CSMD1: variants seen among roughly 807,000 people sequenced by gnomAD.
CSMD1 encodes the protein CUB and Sushi multiple domains 1.
Under a neutral mutation model 417.5 loss-of-function variants are expected in CSMD1, and 213 were observed. That is an observed-to-expected ratio of 0.51 (90% CI 0.46 to 0.57). The LOEUF is 0.57. Among genes scored for constraint, CSMD1 ranks in the 20% least tolerant of loss-of-function variants. CSMD1 has a pLI of 0.00. For missense variants in CSMD1, 6,923 were observed against 4,529.7 expected (o/e 1.53, Z -15.17); for synonymous variants, 2,862 against 1,736.8 (o/e 1.65, Z -16.11).
At chr8:3,294,913 A>G (rs1803851343) in intron 25 of CSMD1, among the ~76,000 whole-genome samples, 1 of 151,828 alleles carries the variant, frequency 6.6e-6, no homozygotes, top group African/African-American at 2.4e-5. Context: ...CTTCTGCGTC[A>G]TTCATGCTGG....
intron 10 of CSMD1, among the ~76,000 whole-genome samples, chr8:3,555,049 G>A (rs941869532): frequency 1.3e-5 from 2 of 152,110 alleles, no homozygotes; most frequent in East Asian, 3.9e-4. Flanking sequence ...TCCTCCGCCA[G>A]GGAAGGCTAA....
intron 11 of CSMD1, among the ~76,000 whole-genome samples, chr8:3,475,749 T>C (rs1050761030): frequency 6.6e-6 from 1 of 152,226 alleles, no homozygotes; most frequent in African/African-American, 2.4e-5. Context: ...CAATTTCAAG[T>C]ATGTGAAGCG....
intron 7 of CSMD1, among the ~76,000 whole-genome samples, chr8:3,705,948 C>G (rs989799853): frequency 4.6e-5 from 7 of 152,206 alleles, no homozygotes; most frequent in Non-Finnish European, 8.8e-5. Flanking sequence ...CAGCCAGTGT[C>G]ACCTTGGGTA....
chr8:3,750,294 T>G (rs553473195), intron 6 of CSMD1, among the ~76,000 whole-genome samples: 38 of 150,888 alleles, frequency 2.5e-4, no homozygotes, highest in African/African-American at 8.5e-4. Context: ...TATGTTCTTT[T>G]TAAAATGTTC....
intron 1 of CSMD1, among the ~76,000 whole-genome samples, chr8:4,772,800 C>G (rs1030047908): frequency 4.6e-5 from 7 of 152,190 alleles, no homozygotes; most frequent in Non-Finnish European, 1.0e-4. Context: ...AGGTACTCAT[C>G]TAATTTCGGA....
At chr8:4,158,654 G>A (rs1339327789) in intron 3 of CSMD1, among the ~76,000 whole-genome samples, 1 of 152,098 alleles carries the variant, frequency 6.6e-6, no homozygotes, top group African/African-American at 2.4e-5. Context: ...GGTAGTGGAA[G>A]ATCAACGCCG....
chr8:4,410,811 AATATGGTTTGT>A (rs1387838800), intron 3 of CSMD1, among the ~76,000 whole-genome samples: 2 of 152,212 alleles, frequency 1.3e-5, no homozygotes, highest in Non-Finnish European at 2.9e-5. Context: ...CAATGGTTTG[AATATGGTTTGT>A]CTCCACCAAA....
At chr8:3,004,308 G>A (rs1477894251) in intron 52 of CSMD1, among the ~76,000 whole-genome samples, 2 of 152,196 alleles carry the variant, frequency 1.3e-5, no homozygotes, top group Non-Finnish European at 2.9e-5. Context: ...GTCTCCAACA[G>A]GCAATTGTGT....
At chr8:3,154,133 T>G (rs545925644) in intron 39 of CSMD1, among the ~76,000 whole-genome samples, 2 of 152,150 alleles carry the variant, frequency 1.3e-5, no homozygotes, top group African/African-American at 4.8e-5. Flanking sequence ...CGACTACGCC[T>G]GGCTAATTTT....
intron 12 of CSMD1, among the ~76,000 whole-genome samples, chr8:3,421,533 T>G (rs1221092262): frequency 6.6e-6 from 1 of 152,224 alleles, no homozygotes; most frequent in Non-Finnish European, 1.5e-5. Flanking sequence ...TTTTGTAGAC[T>G]TTAGTAACAT....
At chr8:4,025,916 G>A (rs1275592239) in intron 4 of CSMD1, among the ~76,000 whole-genome samples, 4 of 150,948 alleles carry the variant, frequency 2.6e-5, no homozygotes, top group African/African-American at 4.9e-5. Context: ...ATTATTCAGG[G>A]AAAATATTGC....
At chr8:4,486,214 T>C (rs1239672187) in intron 2 of CSMD1, among the ~76,000 whole-genome samples, 1 of 15,206 alleles carries the variant, frequency 6.6e-5, no homozygotes, top group African/African-American at 2.5e-4. Flanking sequence ...CATATATATA[T>C]ATATATATAT....
chr8:4,878,012 G>A (rs1360303634), intron 1 of CSMD1, among the ~76,000 whole-genome samples: 3 of 152,034 alleles, frequency 2.0e-5, no homozygotes. Context: ...AATAGGACCT[G>A]TCAGCATCCC....
chr8:4,825,555 T>A (rs1799776112), intron 1 of CSMD1, among the ~76,000 whole-genome samples: 1 of 151,326 alleles, frequency 6.6e-6, no homozygotes, highest in Admixed American at 6.6e-5. Context: ...TATATGTGTG[T>A]GGCTGTCTTA....
At chr8:4,648,486 C>G (rs1313119695) in intron 1 of CSMD1, among the ~76,000 whole-genome samples, 4 of 152,150 alleles carry the variant, frequency 2.6e-5, no homozygotes, top group Non-Finnish European at 5.9e-5. Flanking sequence ...TGCATGCATG[C>G]ACACAAACAC....
intron 7 of CSMD1, among the ~76,000 whole-genome samples, chr8:3,658,656 G>A (rs1247569901): frequency 1.3e-5 from 2 of 151,844 alleles, no homozygotes; most frequent in South Asian, 2.1e-4. Context: ...GGTGGTGCGT[G>A]CCTGTAATCC....
chr8:3,446,393 G>T (rs1255585078), intron 12 of CSMD1, among the ~76,000 whole-genome samples: 1 of 152,166 alleles, frequency 6.6e-6, no homozygotes, highest in African/African-American at 2.4e-5. Context: ...TTCAACTGAG[G>T]ATCTGTCCTC....
At chr8:3,705,230 G>A (rs765013368) in intron 7 of CSMD1, among the ~76,000 whole-genome samples, 16 of 152,198 alleles carry the variant, frequency 1.1e-4, no homozygotes, top group Non-Finnish European at 2.4e-4. Flanking sequence ...GCACAAGTTG[G>A]TGCTGAAATC....
chr8:4,731,565 T>C (rs1371188147), intron 1 of CSMD1, among the ~76,000 whole-genome samples: 4 of 152,228 alleles, frequency 2.6e-5, no homozygotes, highest in Admixed American at 2.6e-4. Flanking sequence ...AATACATGTT[T>C]ATTGAATATT....
Sources: allele counts gnomAD v4.1 joint callset (sites outside exome capture counted in the v4.1 genomes callset), GRCh38; gene constraint gnomAD v4.1.1; transcripts MANE v1.5; gene names NCBI Gene and HGNC (gene_info 2026-07-23, HGNC 2026-07-21).